ABCB4: variants seen among roughly 807,000 people sequenced by gnomAD.
ABCB4 encodes ATP binding cassette subfamily B member 4.
ABCB4 carries 76 observed loss-of-function variants against 145.7 expected under a neutral mutation model. The ratio of observed to expected loss-of-function variants is 0.52; its 90% confidence interval spans 0.43 to 0.63. ABCB4 has a LOEUF of 0.63. Ranked by LOEUF, ABCB4 falls within the 30% of genes least tolerant of loss-of-function variation. The pLI is 0.00. For synonymous variants in ABCB4, 517 were observed against 566.8 expected (o/e 0.91, Z 1.25); for missense variants, 1,234 against 1,553.1 (o/e 0.79, Z 3.45).
the ABCB4 span, chr7:87,381,844 T>C: frequency 8.9e-7 from 1 of 1,117,960 alleles, no homozygotes; most frequent in South Asian, 1.5e-5. Context: ...AAAGTGAAAA[T>C]AAAATATTGG....
chr7:87,380,353 A>C, the ABCB4 span, among the ~76,000 whole-genome samples: 218 of 151,842 alleles, frequency 1.4e-3, 1 homozygote, highest in Non-Finnish European at 2.5e-3. Context: ...TTTAGTTAAT[A>C]ATAACAATAG....
At chr7:87,377,984 TCA>T in the ABCB4 span, among the ~76,000 whole-genome samples, 2 of 152,106 alleles carry the variant, frequency 1.3e-5, no homozygotes, top group Admixed American at 6.6e-5. Flanking sequence ...ATGGACATCT[TCA>T]CTAGCTGTCT....
At chr7:87,369,944 T>G in the ABCB4 span, among the ~76,000 whole-genome samples, 1 of 145,736 alleles carries the variant, frequency 6.9e-6, no homozygotes, top group African/African-American at 2.7e-5. Flanking sequence ...TAATGATAAC[T>G]CCCGTGTACC....
At chr7:87,474,208 A>G (rs764906280) in intron 2 of ABCB4, among the ~76,000 whole-genome samples, 14 of 152,176 alleles carry the variant, frequency 9.2e-5, no homozygotes, top group Non-Finnish European at 1.5e-4. Context: ...AGCCAGTGCA[A>G]TACATAAATA....
rs45622636 is a variant in ABCB4, at chr7:87,459,811, A to T, written c.286+2947T>A. Among the ~76,000 whole-genome samples, 88 of 152,314 alleles carry T rather than the reference A, an allele frequency of 5.8e-4. 1 individual carries two copies. Among genetic ancestry groups the T allele is most frequent in the African/African-American group, 1.9e-3 (81 of 41,572 alleles). ...GTCACCAAGAGATAATATCTGCGAC[A>T]CTTGAAAAGAGGTGCTAGACCATAC... On this transcript the variant is annotated intron_variant, in intron 4 of 27. Transcript: ENST00000649586.
At position 87,408,243 on chromosome 7, in the gene ABCB4, A is replaced by T; in HGVS notation, c.3082-9T>A. 2.5e-6 allele frequency: 4 copies of T among 1,610,664 alleles called. No homozygotes were observed. The South Asian group carries it at 4.4e-5, about 18-fold the overall frequency. The stretch of plus-strand genomic sequence containing the variant: ...TTTCCTTCAAATTTATCCTGAATAA[A>T]TGTTTAAATGTTGCTATTATAATTG... On this transcript the variant is annotated splice_polypyrimidine_tract_variant and intron_variant, in intron 24 of 27. Coordinates refer to ENST00000649586, the MANE Select transcript of ABCB4 (RefSeq NM_000443.4).
intron 6 of ABCB4, chr7:87,452,682 T>C: frequency 3.8e-6 from 2 of 526,408 alleles, no homozygotes; most frequent in Non-Finnish European, 6.8e-6. Flanking sequence ...TGTCACGTCC[T>C]GCAGTAGAAA....
At chr7:87,377,138 G>C in the ABCB4 span, among the ~76,000 whole-genome samples, 1 of 152,024 alleles carries the variant, frequency 6.6e-6, no homozygotes, top group Admixed American at 6.6e-5. Flanking sequence ...CTTAACTTGA[G>C]ATTTTGAGAA....
chr7:87,474,472 T>A (rs543511657), intron 2 of ABCB4, among the ~76,000 whole-genome samples: 1 of 152,248 alleles, frequency 6.6e-6, no homozygotes, highest in South Asian at 2.1e-4. Flanking sequence ...AGTTTAAGCA[T>A]CAGGTAGGCA....
chr7:87,412,095 G>A, intron 22 of ABCB4, 62 bp from the exon 23 acceptor site: 6 of 1,597,216 alleles, frequency 3.8e-6, no homozygotes, highest in Non-Finnish European at 4.3e-6. Flanking sequence ...CTGTGTAGTG[G>A]AAAGAGCACG....
the ABCB4 span, chr7:87,391,763 A>C: frequency 1.9e-6 from 3 of 1,573,860 alleles, no homozygotes; most frequent in Non-Finnish European, 2.6e-6. Context: ...ATTGTTCTAA[A>C]GGAACCGTGG....
chr7:87,431,540 A>C lies in ABCB4; in HGVS notation c.1757T>G (p.Val586Gly). ...GACCGTAGACAGTCGGTGTGCTATC[A>C]CAATGGTGGTCCGGCCTTCTCTGGC... ...DKAREGRTTIVIAHRLSTVRN... is the reference protein window; with the variant it reads ...DKAREGRTTIGIAHRLSTVRN... The change falls in exon 15 of 28, where the codon GTG becomes GGG. Residue 586 changes from valine to glycine, a missense_variant. Transcript: ENST00000649586. 1 of 1,614,084 alleles carries C rather than the reference A, an allele frequency of 6.2e-7. No individual in the cohort carries two copies. Among genetic ancestry groups the C allele is most frequent in the East Asian group, 2.2e-5 (1 of 44,876 alleles).
intron 17 of ABCB4, 30 bp downstream of exon 17, chr7:87,423,876 C>G (rs1380193243): frequency 4.3e-6 from 7 of 1,613,674 alleles, no homozygotes; most frequent in Non-Finnish European, 5.9e-6. Flanking sequence ...TGATCTAATT[C>G]AGGCTGTTAT....
In ABCB4 at chr7:87,433,666, ATTGTTG is replaced by A. The variant is rs199783668; in HGVS notation, c.1732-2107_1732-2102del. ...CCAAAGTAGAGCTTTGACACAAAAA[ATTGTTG>A]TTGTTTTTTTTTTTTTTTTTTTCAG... On this transcript the variant is annotated intron_variant, in intron 14 of 27. Transcript: ENST00000649586. Among the ~76,000 whole-genome samples the A allele has an allele frequency of 6.4e-3, 855 of 133,090 alleles. 33 individuals are homozygous for A. The highest frequency in any genetic ancestry group is 0.023 in the African/African-American group (806 of 35,200). The allele number at this position is 133,090 out of a possible 152,430, so 87.3% of individuals were successfully genotyped here.
downstream of ABCB4, among the ~76,000 whole-genome samples, chr7:87,399,969 C>T (rs1807709918): frequency 6.6e-6 from 1 of 152,144 alleles, no homozygotes; most frequent in Admixed American, 6.6e-5. Flanking sequence ...AATCATCAGG[C>T]AACCAGGACT....
intron 16 of ABCB4, among the ~76,000 whole-genome samples, chr7:87,424,913 G>C (rs940642823): frequency 6.6e-6 from 1 of 152,070 alleles, no homozygotes; most frequent in Non-Finnish European, 1.5e-5. Context: ...AGACAGAGGT[G>C]ACTATGGAAT....
At chr7:87,469,285 T>C (rs1813182659) in intron 3 of ABCB4, among the ~76,000 whole-genome samples, 1 of 152,190 alleles carries the variant, frequency 6.6e-6, no homozygotes, top group African/African-American at 2.4e-5. Context: ...TGGGAAAAAC[T>C]GGAAGCATTC....
intron 6 of ABCB4, 165 bp downstream of exon 6, chr7:87,452,779 T>C: frequency 1.3e-6 from 1 of 779,728 alleles, no homozygotes; most frequent in Non-Finnish European, 2.1e-6. Flanking sequence ...CAACATGCAA[T>C]GGCATAGGCT....
At position 87,401,824 on chromosome 7, in the gene ABCB4, T is replaced by C. The variant is rs1185469723; in HGVS notation, c.*272A>G. The C allele has an allele frequency of 5.2e-6, 3 of 576,618 alleles. No individual in the cohort carries two copies. The highest frequency in any genetic ancestry group is 1.8e-5 in the African/African-American group (1 of 54,238). 35.7% of individuals were successfully genotyped at this position (576,618 alleles called of 1,614,324 possible). On this transcript the variant is annotated 3_prime_UTR_variant, in exon 28 of 28. Transcript: ENST00000649586. ...TCTGTGGCTTCTATATTTCTACACC[T>C]GTACTTACCTTGAATTTTGTTCTTT...
Sources: allele counts gnomAD v4.1 joint callset (sites outside exome capture counted in the v4.1 genomes callset), GRCh38; gene constraint gnomAD v4.1.1; transcripts MANE v1.5; gene names NCBI Gene and HGNC (gene_info 2026-07-23, HGNC 2026-07-21).